Variants in LPP observed in about 807,000 individuals in gnomAD.
LPP encodes the protein lipoma-preferred partner.
Under a neutral mutation model 60.4 loss-of-function variants are expected in LPP, and 38 were observed. The observed-to-expected ratio is 0.63, with a 90% CI of 0.49 to 0.83. LPP has a LOEUF of 0.83. LPP is among the 40% of genes least tolerant of loss of function. The pLI, the probability that LPP is intolerant of heterozygous loss-of-function variation, is 0.00. For synonymous variants in LPP, 328 were observed against 290.8 expected (o/e 1.13, Z -1.30); for missense variants, 902 against 783.6 (o/e 1.15, Z -1.80).
intron 4 of LPP, among the ~76,000 whole-genome samples, chr3:188,426,580 G>C (rs2149097331): frequency 6.6e-6 from 1 of 152,162 alleles, no homozygotes; most frequent in African/African-American, 2.4e-5. Context: ...TTATTATGTA[G>C]GAGTCTTAGT....
chr3:188,204,409 G>A (rs1230452937), intron 1 of LPP, among the ~76,000 whole-genome samples: 1 of 152,156 alleles, frequency 6.6e-6, no homozygotes, highest in Non-Finnish European at 1.5e-5. Context: ...GGGAATCTTG[G>A]CAGTAACTCA....
At chr3:188,388,463 A>T (rs946352378) in intron 3 of LPP, among the ~76,000 whole-genome samples, 7 of 152,332 alleles carry the variant, frequency 4.6e-5, no homozygotes, top group Non-Finnish European at 8.8e-5. Context: ...AGGTGCATTT[A>T]TAAGGCAACT....
At chr3:188,569,157 A>AAAT (rs142373873) in intron 6 of LPP, 3 of 150,262 alleles carry the variant, frequency 2.0e-5, no homozygotes, top group African/African-American at 4.9e-5. Flanking sequence ...GAAAACAGCC[A>AAAT]AATAATAATA....
chr3:188,748,365 C>T (rs1238360385), intron 8 of LPP, among the ~76,000 whole-genome samples: 6 of 152,072 alleles, frequency 3.9e-5, no homozygotes, highest in Non-Finnish European at 8.8e-5. Context: ...CCACCTATGG[C>T]TCAAATGGGT....
At chr3:188,671,468 T>C (rs1464511964) in intron 7 of LPP, among the ~76,000 whole-genome samples, 2 of 152,190 alleles carry the variant, frequency 1.3e-5, no homozygotes, top group Admixed American at 6.5e-5. Context: ...TTTTTTTCTA[T>C]GCAAATCACA....
intron 2 of LPP, among the ~76,000 whole-genome samples, chr3:188,265,111 C>T (rs765911236): frequency 2.6e-5 from 4 of 152,198 alleles, no homozygotes; most frequent in Non-Finnish European, 5.9e-5. Context: ...GAGAGAAAAG[C>T]AGCTTTTAAG....
Position 188,524,678 on chromosome 3 carries a change from G to A in LPP, c.320G>A (p.Gly107Asp). The change falls in exon 6 of 12, where the codon GGC (glycine) becomes GAC (aspartate). Residue 107 changes from glycine (G) to aspartate (D), a missense_variant. Physicochemically the swap from Gly to Asp is moderately conservative, Grantham distance 94. Coordinates refer to ENST00000617246, the MANE Select transcript of LPP (RefSeq NM_001375462.1). Reference protein sequence around the residue: ...EAFKVQGNPGGKTLEERRSSL... With the variant: ...EAFKVQGNPGDKTLEERRSSL... ...TGCTTCCAACAGGGGAATCCCGGAG[G>A]CAAGACACTTGAGGAGAGGCGCTCC... 1.9e-6 allele frequency: 3 copies of A among 1,613,594 alleles called. No individual in the cohort carries two copies. Among genetic ancestry groups the A allele is most frequent in the Non-Finnish European group, 1.7e-6 (2 of 1,179,744 alleles).
intron 6 of LPP, among the ~76,000 whole-genome samples, chr3:188,599,296 T>C (rs550737485): frequency 6.6e-6 from 1 of 152,264 alleles, no homozygotes; most frequent in East Asian, 1.9e-4. Flanking sequence ...TTGGATTTCT[T>C]AGTTTTAATC....
At chr3:188,815,459 TTAAAA>T (rs1340659877) in intron 9 of LPP, among the ~76,000 whole-genome samples, 1 of 152,062 alleles carries the variant, frequency 6.6e-6, no homozygotes, top group Non-Finnish European at 1.5e-5. Context: ...CTGATGTTAG[TTAAAA>T]TAATATAAGC....
intron 6 of LPP, among the ~76,000 whole-genome samples, chr3:188,555,236 G>T (rs1001456930): frequency 2.6e-5 from 4 of 152,060 alleles, no homozygotes; most frequent in Non-Finnish European, 5.9e-5. Flanking sequence ...TCCCAAGGAA[G>T]TGAGGAAAAA....
chr3:188,811,451 A>G (rs1750962830), intron 9 of LPP, among the ~76,000 whole-genome samples: 1 of 152,014 alleles, frequency 6.6e-6, no homozygotes, highest in Non-Finnish European at 1.5e-5. Flanking sequence ...AGCATATTGG[A>G]GAAGACATCA....
intron 2 of LPP, among the ~76,000 whole-genome samples, chr3:188,299,156 C>T (rs949342134): frequency 6.6e-6 from 1 of 152,198 alleles, no homozygotes; most frequent in Non-Finnish European, 1.5e-5. Flanking sequence ...GGCCACTTTT[C>T]CTTCACACAG....
At position 188,884,757 on chromosome 3, in the gene LPP, C is replaced by T. The variant is rs188675561; in HGVS notation, c.*10278C>T. The T allele has an allele frequency of 4.4e-6, 1 of 226,272 alleles. No homozygotes were observed. Among genetic ancestry groups the T allele is most frequent in the Admixed American group, 5.7e-5 (1 of 17,566 alleles). 14.0% of individuals were successfully genotyped at this position (226,272 alleles called of 1,614,324 possible). Reference sequence around the variant, plus strand: ...GTACGTTCCACAGAGGCAGAAACCGCCGTAGGTTAGCAATGCATTTTAGTC... The same window carrying T: ...GTACGTTCCACAGAGGCAGAAACCGTCGTAGGTTAGCAATGCATTTTAGTC... On this transcript the variant is annotated 3_prime_UTR_variant, in exon 12 of 12. Transcript: ENST00000617246.
chr3:188,198,229 C>T (rs1206862735), intron 1 of LPP, among the ~76,000 whole-genome samples: 1 of 152,170 alleles, frequency 6.6e-6, no homozygotes, highest in East Asian at 1.9e-4. Context: ...TAAGTTGCCC[C>T]AGGCCACCAG....
intron 3 of LPP, among the ~76,000 whole-genome samples, chr3:188,395,286 G>A (rs1423396385): frequency 6.6e-6 from 1 of 152,042 alleles, no homozygotes. Context: ...TGGCATGATC[G>A]TGGCTCACTG....
chr3:188,259,308 T>G (rs189761278), intron 2 of LPP, among the ~76,000 whole-genome samples: 1 of 152,288 alleles, frequency 6.6e-6, no homozygotes, highest in East Asian at 1.9e-4. Flanking sequence ...AGCATGACAT[T>G]GAGTGTTCAC....
chr3:188,640,478 C>G (rs1042779783), intron 7 of LPP, among the ~76,000 whole-genome samples: 3 of 149,644 alleles, frequency 2.0e-5, no homozygotes, highest in African/African-American at 7.4e-5. Flanking sequence ...TGTAAGTAAC[C>G]TGCACAATGT....
At position 188,513,011 on chromosome 3, in the gene LPP, T is replaced by C. The variant is rs540343394; in HGVS notation, c.307-11654T>C. 6.6e-5 allele frequency among the ~76,000 whole-genome samples: 10 copies of C among 152,322 alleles called. No homozygotes were observed. The South Asian group carries it at 2.1e-3, about 32-fold the overall frequency. On this transcript the variant is annotated intron_variant, in intron 5 of 11. Coordinates refer to ENST00000617246, the MANE Select transcript of LPP (RefSeq NM_001375462.1). Reference sequence around the variant, plus strand: ...CCAGCCCCCTCACCACATATGAAAGTTTTCTTAATGTAAAAGTAAACCTTT... The same window carrying C: ...CCAGCCCCCTCACCACATATGAAAGCTTTCTTAATGTAAAAGTAAACCTTT...
At chr3:188,801,226 A>G (rs979421362) in intron 9 of LPP, among the ~76,000 whole-genome samples, 1 of 152,204 alleles carries the variant, frequency 6.6e-6, no homozygotes, top group Non-Finnish European at 1.5e-5. Flanking sequence ...TCTACAATGT[A>G]GCATTTTCAA....
Sources: gnomAD v4.1 joint callset for allele counts (sites outside exome capture counted in the v4.1 genomes callset) on GRCh38, gnomAD v4.1.1 for gene constraint, MANE v1.5 for transcripts, NCBI Gene and HGNC (gene_info 2026-07-23, HGNC 2026-07-21) for gene names.